Variants in ELAVL2 observed in about 807,000 individuals in gnomAD.
The protein encoded by ELAVL2 is ELAV like RNA binding protein 2, also known as ELAV-like protein 2.
ELAVL2 carries 4 observed loss-of-function variants against 34.6 expected under a neutral mutation model. That is an observed-to-expected ratio of 0.12 (90% confidence interval 0.06 to 0.26). The LOEUF is 0.26. Among genes scored for constraint, ELAVL2 ranks in the 10% least tolerant of loss-of-function variants. The pLI is 1.00. For synonymous variants in ELAVL2, 193 were observed against 154.8 expected (o/e 1.25, Z -1.83); for missense variants, 432 against 442.8 (o/e 0.98, Z 0.22).
Position 23,762,260 on chromosome 9 carries a change from AG to A in ELAVL2, c.-15-12del, listed in dbSNP as rs766446303. The A allele has an allele frequency of 6.2e-7, 1 of 1,611,586 alleles. No homozygotes were observed. Among genetic ancestry groups the A allele is most frequent in the South Asian group, 1.1e-5 (1 of 90,898 alleles). ...GGCAGCAATTACCTGCTAAAAACAG[AG>A]AAAACAAGAAATGTCAGAATTCATA... On this transcript the variant is annotated splice_polypyrimidine_tract_variant and intron_variant, in intron 1 of 6. Transcript: ENST00000397312.
At chr9:23,796,857 T>C (rs2060992406) in intron 1 of ELAVL2, among the ~76,000 whole-genome samples, 2 of 152,216 alleles carry the variant, frequency 1.3e-5, no homozygotes, top group South Asian at 2.1e-4. Flanking sequence ...TCATGGAATA[T>C]ACTAGAGAAA....
intron 2 of ELAVL2, among the ~76,000 whole-genome samples, chr9:23,742,230 ACCT>A (rs1329189772): frequency 6.6e-6 from 1 of 152,090 alleles, no homozygotes; most frequent in Non-Finnish European, 1.5e-5. Flanking sequence ...ATTTTCTGAG[ACCT>A]CCTTTACACA....
At chr9:23,842,945 T>A in the ELAVL2 span, among the ~76,000 whole-genome samples, 4 of 152,156 alleles carry the variant, frequency 2.6e-5, no homozygotes, top group Non-Finnish European at 5.9e-5. Context: ...CATTTTTTCC[T>A]GCTTCTTAGC....
At chr9:23,702,981 A>AAAAAAAAC (rs2037974733) in intron 4 of ELAVL2, among the ~76,000 whole-genome samples, 3 of 129,624 alleles carry the variant, frequency 2.3e-5, no homozygotes, top group South Asian at 2.3e-4. Flanking sequence ...AAAAAAAAAA[A>AAAAAAAAC]CAGCCTCTAC....
intron 2 of ELAVL2, among the ~76,000 whole-genome samples, chr9:23,741,892 A>G (rs2049293393): frequency 6.6e-6 from 1 of 152,122 alleles, no homozygotes; most frequent in East Asian, 1.9e-4. Flanking sequence ...TCCTTCCACC[A>G]ATCCTTGCCT....
chr9:23,795,290 T>TC (rs2060783252), intron 1 of ELAVL2, among the ~76,000 whole-genome samples: 1 of 152,166 alleles, frequency 6.6e-6, no homozygotes, highest in African/African-American at 2.4e-5. Flanking sequence ...ATGCCTGTAA[T>TC]CCCAGCACTT....
intron 3 of ELAVL2, among the ~76,000 whole-genome samples, chr9:23,712,083 T>C (rs2041113448): frequency 6.6e-6 from 1 of 152,128 alleles, no homozygotes; most frequent in Non-Finnish European, 1.5e-5. Context: ...TAGGAGGCTG[T>C]GGGGCGGGGG....
At chr9:23,822,917 C>T (rs2065018064) in intron 1 of ELAVL2, among the ~76,000 whole-genome samples, 1 of 152,176 alleles carries the variant, frequency 6.6e-6, no homozygotes, top group Non-Finnish European at 1.5e-5. Flanking sequence ...CCCCATGCGA[C>T]GGGCGGAGCG....
At chr9:23,801,946 C>T (rs2061614592) in intron 1 of ELAVL2, among the ~76,000 whole-genome samples, 2 of 152,124 alleles carry the variant, frequency 1.3e-5, no homozygotes, top group African/African-American at 4.8e-5. Flanking sequence ...TCACCTCCCT[C>T]CTCCTTACCC....
chr9:23,692,117 T>G lies in ELAVL2; in HGVS notation c.*440A>C, dbSNP rs2132635723. 6.3e-6 allele frequency: 1 copy of G among 158,576 alleles called. No homozygotes were observed. Among genetic ancestry groups the G allele is most frequent in the East Asian group, 1.9e-4 (1 of 5,368 alleles). The allele number at this position is 158,576 out of a possible 1,614,324, so 9.8% of individuals were successfully genotyped here. On this transcript the variant is annotated 3_prime_UTR_variant, in exon 7 of 7. Coordinates refer to ENST00000397312, the MANE Select transcript of ELAVL2 (RefSeq NM_004432.5). ...TTAAACAGACATAACAGCAATGCTT[T>G]AAATGTAAACCAAACACAAAGCTAA...
chr9:23,742,620 C>A (rs757302607), intron 2 of ELAVL2, among the ~76,000 whole-genome samples: 1 of 152,024 alleles, frequency 6.6e-6, no homozygotes. Context: ...ACCCTTCCAC[C>A]GGGGGGAAAA....
At chr9:23,816,317 T>TTAAA (rs752584065) in intron 1 of ELAVL2, among the ~76,000 whole-genome samples, 1 of 44,696 alleles carries the variant, frequency 2.2e-5, no homozygotes, top group African/African-American at 9.2e-5. Context: ...AAGCTTTCAG[T>TTAAA]AAAAAAAAAA....
chr9:23,774,338 C>T (rs992884342), intron 1 of ELAVL2, among the ~76,000 whole-genome samples: 5 of 151,370 alleles, frequency 3.3e-5, no homozygotes, highest in Admixed American at 6.6e-5. Context: ...GCTGCAGAGT[C>T]GTGTTGGGAG....
At chr9:23,724,936 A>G (rs372284707) in intron 3 of ELAVL2, among the ~76,000 whole-genome samples, 8 of 152,252 alleles carry the variant, frequency 5.3e-5, no homozygotes, top group African/African-American at 1.9e-4. Flanking sequence ...AGGTCAGTTA[A>G]TTTGAGGCCT....
chr9:23,705,505 T>C (rs984523597), intron 3 of ELAVL2, among the ~76,000 whole-genome samples: 18 of 152,262 alleles, frequency 1.2e-4, no homozygotes, highest in African/African-American at 4.3e-4. Flanking sequence ...CAGTGGTGCA[T>C]ACAGCACAGT....
chr9:23,739,634 C>T (rs1378626611), intron 2 of ELAVL2, among the ~76,000 whole-genome samples: 2 of 151,632 alleles, frequency 1.3e-5, no homozygotes, highest in Non-Finnish European at 2.9e-5. Flanking sequence ...AAGTATATAC[C>T]ATTTGGGATG....
chr9:23,796,245 GTTC>G (rs2060909521), intron 1 of ELAVL2, among the ~76,000 whole-genome samples: 1 of 152,172 alleles, frequency 6.6e-6, no homozygotes, highest in African/African-American at 2.4e-5. Context: ...GGTTATTACA[GTTC>G]TTGTTATTTA....
At chr9:23,755,168 C>T (rs553655498) in intron 2 of ELAVL2, among the ~76,000 whole-genome samples, 50 of 152,184 alleles carry the variant, frequency 3.3e-4, no homozygotes, top group African/African-American at 1.2e-3. Flanking sequence ...AAATTGTGTG[C>T]CATTTCTCCA....
chr9:23,796,399 C>T (rs1179461405), intron 1 of ELAVL2, among the ~76,000 whole-genome samples: 1 of 152,244 alleles, frequency 6.6e-6, no homozygotes, highest in Non-Finnish European at 1.5e-5. Context: ...TCCTTTGAGA[C>T]ATCACATAAA....
Sources: gnomAD v4.1 joint callset for allele counts (sites outside exome capture counted in the v4.1 genomes callset) on GRCh38, gnomAD v4.1.1 for gene constraint, MANE v1.5 for transcripts, NCBI Gene and HGNC (gene_info 2026-07-23, HGNC 2026-07-21) for gene names.